GLDC: variants seen among roughly 807,000 people sequenced by gnomAD.
The protein encoded by GLDC is glycine decarboxylase.
Under a neutral mutation model 121.3 loss-of-function variants are expected in GLDC, and 104 were observed. The observed-to-expected ratio is 0.86, with a 90% CI of 0.73 to 1.01. The LOEUF (loss-of-function observed/expected upper bound fraction) is 1.01, where lower values mean the gene tolerates loss of function less well. Among genes scored for constraint, GLDC ranks in the 50% least tolerant of loss-of-function variants. GLDC has a pLI of 0.00. For missense variants in GLDC, 1,429 were observed against 1,306.6 expected (o/e 1.09, Z -1.44); for synonymous variants, 546 against 480.6 (o/e 1.14, Z -1.78).
chr9:6,594,588 G>T (rs1818450896), intron 9 of GLDC, among the ~76,000 whole-genome samples: 1 of 151,972 alleles, frequency 6.6e-6, no homozygotes, highest in Non-Finnish European at 1.5e-5. Context: ...CCAGTTACCT[G>T]AGAGGCTGAG....
chr9:6,542,885 C>CA (rs5896153), intron 21 of GLDC, among the ~76,000 whole-genome samples: 939 of 60,608 alleles, frequency 0.015, 6 homozygotes, highest in Non-Finnish European at 0.016. Flanking sequence ...GACCTTTTCT[C>CA]AAAAAAAAAA....
At chr9:6,570,777 C>A (rs1817946407) in intron 15 of GLDC, among the ~76,000 whole-genome samples, 1 of 150,618 alleles carries the variant, frequency 6.6e-6, no homozygotes, top group African/African-American at 2.5e-5. Context: ...TCACTTGAAC[C>A]CAGCAGGTGG....
chr9:6,545,761 C>T (rs1445007403), intron 21 of GLDC, among the ~76,000 whole-genome samples: 1 of 152,068 alleles, frequency 6.6e-6, no homozygotes, highest in African/African-American at 2.4e-5. Context: ...ATGCCTCAGC[C>T]TCCCGAGTAG....
rs2129837376 is a variant in GLDC, at chr9:6,588,648, G to C, written c.1635C>G (p.Asp545Glu). 5 of 1,612,522 alleles carry C rather than the reference G, an allele frequency of 3.1e-6. No individual in the cohort carries two copies. The South Asian group carries it at 5.5e-5, about 18-fold the overall frequency. Residue 545 changes from aspartate (D) to glutamate (E), a missense_variant, in exon 13 of 25, where the codon GAC becomes GAG. Physicochemically the swap from Asp to Glu is conservative, Grantham distance 45 (BLOSUM62 2). Transcript: ENST00000321612. ...VRYMKKLENK[D>E]ISLVHSMIPL... Reference sequence around the variant, plus strand: ...GAATCATGCTGTGAACAAGGGAAATGTCTTTATTTTCCAGTTTCTTCATGT... The same window carrying C: ...GAATCATGCTGTGAACAAGGGAAATCTCTTTATTTTCCAGTTTCTTCATGT...
At chr9:6,620,037 G>A (rs192862054) in intron 3 of GLDC, 147 bp downstream of exon 3, 26 of 785,824 alleles carry the variant, frequency 3.3e-5, no homozygotes, top group Middle Eastern at 3.6e-4. Flanking sequence ...TCGATCCAGA[G>A]AAACCCGGTA....
chr9:6,539,557 A>C (rs1477506779), intron 22 of GLDC, among the ~76,000 whole-genome samples: 1 of 152,202 alleles, frequency 6.6e-6, no homozygotes, highest in East Asian at 1.9e-4. Context: ...TAGTGAGCTG[A>C]GCTGAATGAA....
In GLDC at chr9:6,556,388, G is replaced by A. The variant is rs185957655; in HGVS notation, c.2053-86C>T. 7.8e-5 allele frequency: 83 copies of A among 1,066,258 alleles called. No homozygotes were observed. In the Middle Eastern group the frequency reaches 8.0e-4, roughly 10 times the overall value. The allele number at this position is 1,066,258 out of a possible 1,614,324, so 66.0% of individuals were successfully genotyped here. A position where few individuals can be genotyped will look rare whatever the true frequency, so the allele number is the denominator to read the frequency against. ...ATCCTCGCCTTTCATTTTAAAGGATGAAGAAAGATGAAGTCTCAGTCTTTA... is the reference window on the plus strand; with the variant it reads ...ATCCTCGCCTTTCATTTTAAAGGATAAAGAAAGATGAAGTCTCAGTCTTTA... On this transcript the variant is annotated intron_variant, in intron 17 of 24. Transcript: ENST00000321612.
intron 2 of GLDC, among the ~76,000 whole-genome samples, chr9:6,642,361 C>G (rs1415655978): frequency 6.6e-6 from 1 of 151,964 alleles, no homozygotes; most frequent in Non-Finnish European, 1.5e-5. Flanking sequence ...GAAACCCCAT[C>G]TCTACTAAAA....
At chr9:6,540,593 C>T (rs536133303) in intron 21 of GLDC, 1 of 200,822 alleles carries the variant, frequency 5.0e-6, no homozygotes, top group South Asian at 9.3e-5. Flanking sequence ...CAAATAATTA[C>T]TTTTGCGTAT....
At chr9:6,629,024 C>G (rs2129977879) in intron 2 of GLDC, among the ~76,000 whole-genome samples, 1 of 151,962 alleles carries the variant, frequency 6.6e-6, no homozygotes, top group East Asian at 1.9e-4. Flanking sequence ...CAGGTAAGAA[C>G]TTGCGCTGCT....
chr9:6,587,832 A>C (rs895538189), intron 14 of GLDC, among the ~76,000 whole-genome samples: 2 of 152,178 alleles, frequency 1.3e-5, no homozygotes, highest in Non-Finnish European at 2.9e-5. Context: ...AAATATTCTT[A>C]TCATGATATA....
intron 2 of GLDC, among the ~76,000 whole-genome samples, chr9:6,631,877 G>C (rs1159334255): frequency 2.0e-5 from 3 of 152,154 alleles, no homozygotes; most frequent in African/African-American, 7.2e-5. Flanking sequence ...GACCAGCCTA[G>C]GCAACACAGC....
intron 8 of GLDC, among the ~76,000 whole-genome samples, chr9:6,598,917 A>T (rs1012927597): frequency 2.0e-5 from 3 of 152,236 alleles, no homozygotes; most frequent in Non-Finnish European, 4.4e-5. Context: ...ACAATGGCTC[A>T]TGCCTGTAAT....
At chr9:6,617,963 C>G (rs901362473) in intron 3 of GLDC, among the ~76,000 whole-genome samples, 18 of 152,218 alleles carry the variant, frequency 1.2e-4, no homozygotes, top group African/African-American at 4.1e-4. Flanking sequence ...AAAAGCCAAT[C>G]TGTGCCCCTT....
At chr9:6,534,612 T>C (rs1817078668) in intron 24 of GLDC, 96 bp downstream of exon 24, 1 of 730,116 alleles carries the variant, frequency 1.4e-6, no homozygotes, top group Non-Finnish European at 2.5e-6. Flanking sequence ...GCCCCACATA[T>C]GGTTTCTGTA....
intron 18 of GLDC, among the ~76,000 whole-genome samples, chr9:6,555,630 A>G (rs1817610165): frequency 6.6e-6 from 1 of 151,940 alleles, no homozygotes; most frequent in Admixed American, 6.6e-5. Context: ...AAAAATAAAA[A>G]AATTTAAAAA....
At chr9:6,589,314 G>A (rs1587947979) in intron 11 of GLDC, 22 bp from the exon 12 acceptor site, 7 of 1,441,502 alleles carry the variant, frequency 4.9e-6, no homozygotes, top group Non-Finnish European at 6.8e-6. Flanking sequence ...ACACAGAGAT[G>A]ATAGGGCCAG....
intron 2 of GLDC, among the ~76,000 whole-genome samples, chr9:6,622,108 T>A (rs984356938): frequency 6.6e-6 from 1 of 151,818 alleles, no homozygotes; most frequent in African/African-American, 2.4e-5. Context: ...ATTATTTGCA[T>A]CAATCTTTAT....
rs763438905 is a variant in GLDC at position 6,644,733 on chromosome 9, TAA to T, written c.256-43_256-42del. ...AAGGCAGAGGAAAGTGCCTCTGAGTTAAAAGAGTCACCTCTGTGTTTTGCGAC... is the reference window on the plus strand; with the variant it reads ...AAGGCAGAGGAAAGTGCCTCTGAGTTAAGAGTCACCTCTGTGTTTTGCGAC... On this transcript the variant is annotated intron_variant, in intron 1 of 24. Coordinates refer to ENST00000321612, the MANE Select transcript of GLDC (RefSeq NM_000170.3). 14 of 1,343,172 alleles carry T rather than the reference TAA, an allele frequency of 1.0e-5. No homozygotes were observed. The East Asian group carries it at 1.4e-4, about 13-fold the overall frequency. The allele number at this position is 1,343,172 out of a possible 1,614,324, so 83.2% of individuals were successfully genotyped here. A position where few individuals can be genotyped will look rare whatever the true frequency, so the allele number is the denominator to read the frequency against.
Sources: allele counts gnomAD v4.1 joint callset (sites outside exome capture counted in the v4.1 genomes callset), GRCh38; gene constraint gnomAD v4.1.1; transcripts MANE v1.5; gene names NCBI Gene and HGNC (gene_info 2026-07-23, HGNC 2026-07-21).